The following GTPBP4 variants were observed in gnomAD, a reference collection of about 807,000 sequenced individuals.
The protein encoded by GTPBP4 is GTP-binding protein 4.
In GTPBP4, 15 loss-of-function variants were observed where a neutral mutation model predicts 81.7. The ratio of observed to expected loss-of-function variants is 0.18; its 90% CI spans 0.12 to 0.28. The LOEUF is 0.28. Among genes scored for constraint, GTPBP4 ranks in the 10% least tolerant of loss-of-function variants. The pLI, the probability that GTPBP4 is intolerant of heterozygous loss-of-function variation, is 1.00. For missense variants in GTPBP4, 847 were observed against 793.8 expected (o/e 1.07, Z -0.81); for synonymous variants, 272 against 274.6 (o/e 0.99, Z 0.09).
chr10:1,015,844 G>C lies in GTPBP4; in HGVS notation c.1700G>C (p.Ser567Thr). The part of the protein sequence containing the change: ...DSAPPSSVAR[S>T]GSCSRTPRDV... The stretch of plus-strand genomic sequence containing the variant: ...GCTCCCCCGTCCTCTGTGGCCCGGA[G>C]TGGGAGTTGCTCTCGAACTCCACGT... Residue 567 changes from serine (S) to threonine (T), a missense_variant, in exon 16 of 17, where the codon AGT (serine) becomes ACT (threonine). Around this residue, in one of 3 missense-constraint regions of GTPBP4, gnomAD observed 600 missense variants for 557.1 expected, o/e 1.08. Transcript: ENST00000360803. The C allele has an allele frequency of 2.5e-6, 4 of 1,613,986 alleles. No homozygotes were observed. The African/African-American group carries it at 5.3e-5, about 22-fold the overall frequency.
At chr10:988,735 A>G in intron 1 of GTPBP4, 2 of 584,384 alleles carry the variant, frequency 3.4e-6, no homozygotes, top group South Asian at 4.0e-5. Context: ...TCCCCCAGAG[A>G]CCGGGGTCCA....
chr10:1,007,115 G>T lies in GTPBP4; in HGVS notation c.1100G>T (p.Arg367Met). ...LNRLHLAIPTRRDDKERPPFI... is the reference protein window; with the variant it reads ...LNRLHLAIPTMRDDKERPPFI... ...AGACTGCACCTGGCTATCCCAACCA[G>T]GAGGGACGATAAGGTAAGACGGCCC... The change falls in exon 10 of 17, where the codon AGG (arginine) becomes ATG (methionine). Residue 367 changes from arginine (R) to methionine (M), a missense_variant. Coordinates refer to ENST00000360803, the MANE Select transcript of GTPBP4 (RefSeq NM_012341.3). 6.3e-7 allele frequency: 1 copy of T among 1,589,930 alleles called. No individual in the cohort carries two copies. The highest frequency in any genetic ancestry group is 8.6e-7 in the Non-Finnish European group (1 of 1,157,836).
intron 5 of GTPBP4, among the ~76,000 whole-genome samples, chr10:997,720 G>A (rs1188302765): frequency 1.3e-5 from 2 of 152,212 alleles, no homozygotes; most frequent in African/African-American, 2.4e-5. Context: ...CTATGCCAGC[G>A]GGGCTCCGGT....
intron 2 of GTPBP4, among the ~76,000 whole-genome samples, chr10:994,387 G>C (rs1831501953): frequency 6.6e-6 from 1 of 152,080 alleles, no homozygotes; most frequent in South Asian, 2.1e-4. Context: ...TCCCACCTCA[G>C]CCTCCCGAGT....
At chr10:1,013,016 C>T (rs1831909228) in intron 14 of GTPBP4, among the ~76,000 whole-genome samples, 1 of 152,010 alleles carries the variant, frequency 6.6e-6, no homozygotes, top group Non-Finnish European at 1.5e-5. Context: ...TGGAGTCTTG[C>T]TGTGTCTCCC....
At position 1,016,311 on chromosome 10, in the gene GTPBP4, G is replaced by T. The variant is rs1245736220; in HGVS notation, c.1752+415G>T. ...GGGTGATCCTGCTCATCCTTAGGTT[G>T]CAGGATTGTTCCCCCCAGGTGGAGA... On this transcript the variant is annotated intron_variant, in intron 16 of 16. Transcript: ENST00000360803. Among the ~76,000 whole-genome samples the T allele has an allele frequency of 4.6e-5, 7 of 152,236 alleles. No homozygotes were observed. The East Asian group carries it at 1.3e-3, about 29-fold the overall frequency.
intron 13 of GTPBP4, among the ~76,000 whole-genome samples, chr10:1,010,728 C>G (rs779224153): frequency 1.9e-4 from 28 of 146,976 alleles, no homozygotes; most frequent in Non-Finnish European, 2.8e-4. Flanking sequence ...TGGCCTGCCC[C>G]CTTCCCGCCG....
chr10:1,017,304 T>C lies in GTPBP4; in HGVS notation c.*77T>C. On this transcript the variant is annotated 3_prime_UTR_variant, in exon 17 of 17. Coordinates refer to ENST00000360803, the MANE Select transcript of GTPBP4 (RefSeq NM_012341.3). ...TTTGGCACAGTATGGTTTCATGAAA[T>C]TGGAGCTCTGTATAAACTGAAAAAG... The C allele has an allele frequency of 1.5e-6, 2 of 1,324,048 alleles. No individual in the cohort carries two copies. The highest frequency in any genetic ancestry group is 2.1e-6 in the Non-Finnish European group (2 of 943,176). The allele number at this position is 1,324,048 out of a possible 1,614,324, so 82.0% of individuals were successfully genotyped here.
At chr10:998,977 A>T in intron 5 of GTPBP4, 26 bp from the exon 6 acceptor site, 1 of 1,292,244 alleles carries the variant, frequency 7.7e-7, no homozygotes, top group Non-Finnish European at 1.1e-6. Context: ...AAATGAGGTG[A>T]TTCTGAAAGT....
Position 1,000,868 on chromosome 10 carries a change from G to GGT in GTPBP4, c.846+8_846+9dup. The GGT allele has an allele frequency of 1.2e-6, 2 of 1,611,852 alleles. No individual in the cohort carries two copies. Among genetic ancestry groups the GGT allele is most frequent in the Non-Finnish European group, 1.7e-6 (2 of 1,178,388 alleles). ...ACATCAGACCTCTCTTCATCAACAA[G>GGT]GTGTGTGTGGTCACTCATGTTTTGC... On this transcript the variant is annotated frameshift_variant and splice_region_variant. Coordinates refer to ENST00000360803, the MANE Select transcript of GTPBP4 (RefSeq NM_012341.3). LOFTEE classifies it high-confidence loss of function.
chr10:1,003,552 A>G (rs1428643469), intron 8 of GTPBP4, among the ~76,000 whole-genome samples: 2 of 152,116 alleles, frequency 1.3e-5, no homozygotes, highest in Non-Finnish European at 2.9e-5. Flanking sequence ...AGTGGCTTTC[A>G]TGGAGAGGTT....
chr10:1,009,634 T>C, intron 12 of GTPBP4, 54 bp downstream of exon 12: 1 of 981,046 alleles, frequency 1.0e-6, no homozygotes, highest in Admixed American at 1.7e-5. Flanking sequence ...CGTGAAGTAT[T>C]TCAGAAAATG....
At chr10:998,130 C>T (rs938696062) in intron 5 of GTPBP4, among the ~76,000 whole-genome samples, 5 of 152,146 alleles carry the variant, frequency 3.3e-5, no homozygotes, top group Non-Finnish European at 5.9e-5. Context: ...GACAGGGTCT[C>T]GCTCTGTTGC....
intron 9 of GTPBP4, among the ~76,000 whole-genome samples, chr10:1,006,696 A>C (rs978243106): frequency 6.6e-6 from 1 of 151,042 alleles, no homozygotes; most frequent in African/African-American, 2.4e-5. Flanking sequence ...AAAAGATGGC[A>C]CTCCTGATGC....
intron 1 of GTPBP4, among the ~76,000 whole-genome samples, chr10:991,689 CTTTTTTTT>C (rs778451253): frequency 4.0e-5 from 3 of 74,818 alleles, no homozygotes; most frequent in Admixed American, 1.7e-4. Context: ...TAAAATTTAT[CTTTTTTTT>C]TTTTTTTTTT....
intron 5 of GTPBP4, among the ~76,000 whole-genome samples, chr10:998,388 C>T (rs913269528): frequency 7.9e-5 from 12 of 152,208 alleles, no homozygotes; most frequent in Non-Finnish European, 1.6e-4. Flanking sequence ...GCATGAATCA[C>T]TCCACCCTAC....
chr10:1,004,258 ACTAGTCCAGCTGTCATTTGGGCC>A (rs1472137974), intron 8 of GTPBP4, among the ~76,000 whole-genome samples: 1 of 152,134 alleles, frequency 6.6e-6, no homozygotes, highest in Non-Finnish European at 1.5e-5. Context: ...CCCAGAATGG[ACTAGTCCAGCTGTCATTTGGGCC>A]CTAGAGGACA....
chr10:1,007,186 C>T (rs931827958), intron 10 of GTPBP4, 58 bp downstream of exon 10: 7 of 941,510 alleles, frequency 7.4e-6, no homozygotes, highest in East Asian at 2.4e-5. Flanking sequence ...GTGCTGTCTG[C>T]GTGCCTTTTC....
chr10:989,972 A>G (rs1831414020), intron 1 of GTPBP4, among the ~76,000 whole-genome samples: 7 of 152,146 alleles, frequency 4.6e-5, no homozygotes, highest in Admixed American at 4.6e-4. Flanking sequence ...CCTAATCTCA[A>G]GTGATTCACT....
Sources: allele counts gnomAD v4.1 joint callset (sites outside exome capture counted in the v4.1 genomes callset), GRCh38; gene constraint gnomAD v4.1.1; regional missense constraint gnomAD v4.1.1; transcripts MANE v1.5; gene names NCBI Gene and HGNC (gene_info 2026-07-23, HGNC 2026-07-21).